COL13A1: variants seen among roughly 807,000 people sequenced by gnomAD.
COL13A1 encodes the protein collagen type XIII alpha 1 chain, also known as collagen alpha-1(XIII) chain.
COL13A1 carries 89 observed loss-of-function variants against 130.9 expected under a neutral mutation model. The observed-to-expected ratio is 0.68, with a 90% CI of 0.57 to 0.81. COL13A1 has a LOEUF of 0.81. Ranked by LOEUF, COL13A1 falls within the 30% of genes least tolerant of loss-of-function variation. COL13A1 has a pLI of 0.00. For synonymous variants in COL13A1, 402 were observed against 341.6 expected, an observed-to-expected ratio of 1.18 and a Z score of -1.95; for missense variants, 879 against 934.6, an observed-to-expected ratio of 0.94 and a Z score of 0.78.
In COL13A1 at chr10:69,924,982, G is replaced by T; in HGVS notation, c.1304G>T (p.Gly435Val). ...PGDKGERGAA[G>V]EQGPDGPKGS... ...CAACAGGGGGAGCGTGGAGCAGCTG[G>T]AGAACAGGGACCAGATGGCCCCAAG... The change falls in exon 25 of 41, where the codon GGA becomes GTA. Residue 435 changes from glycine (G) to valine (V), a missense_variant. Transcript: ENST00000645393. 1 of 1,594,306 alleles carries T rather than the reference G, an allele frequency of 6.3e-7. No individual in the cohort carries two copies.
At chr10:69,805,743 G>T (rs1841396252) in intron 1 of COL13A1, among the ~76,000 whole-genome samples, 1 of 152,186 alleles carries the variant, frequency 6.6e-6, no homozygotes, top group South Asian at 2.1e-4. Flanking sequence ...TCCCTGTGTA[G>T]GTGTGTTCTC....
chr10:69,887,855 C>T (rs929342678), intron 8 of COL13A1, among the ~76,000 whole-genome samples: 2 of 152,112 alleles, frequency 1.3e-5, no homozygotes, highest in African/African-American at 2.4e-5. Context: ...GGAGATCCAG[C>T]GAGGGGGAGG....
intron 33 of COL13A1, among the ~76,000 whole-genome samples, chr10:69,937,254 C>A (rs866347163): frequency 6.6e-6 from 1 of 152,180 alleles, no homozygotes; most frequent in Non-Finnish European, 1.5e-5. Flanking sequence ...CAAGAGACTT[C>A]GGGGCAGTTT....
chr10:69,842,979 G>C (rs1001318942), intron 2 of COL13A1, among the ~76,000 whole-genome samples: 1 of 152,214 alleles, frequency 6.6e-6, no homozygotes, highest in African/African-American at 2.4e-5. Context: ...CCTCCAGGTT[G>C]CCTGGGCTGC....
chr10:69,944,046 A>T, intron 35 of COL13A1, 79 bp from the exon 36 acceptor site: 8 of 1,214,646 alleles, frequency 6.6e-6, no homozygotes, highest in Non-Finnish European at 9.7e-6. Context: ...GACCTTGCTC[A>T]TCTCTAGGCA....
At chr10:69,900,702 C>T (rs1272459951) in intron 14 of COL13A1, among the ~76,000 whole-genome samples, 1 of 152,210 alleles carries the variant, frequency 6.6e-6, no homozygotes, top group Admixed American at 6.5e-5. Context: ...ATGTGCTTAG[C>T]AGATGGTGTT....
intron 1 of COL13A1, among the ~76,000 whole-genome samples, chr10:69,810,376 G>GAGACACAGAGAC (rs1554863535): frequency 5.2e-5 from 7 of 133,928 alleles, no homozygotes; most frequent in South Asian, 2.3e-4. Context: ...GAGAGAGAGA[G>GAGACACAGAGAC]AGAGACAGAG....
At chr10:69,835,074 G>T (rs1849689876) in intron 2 of COL13A1, among the ~76,000 whole-genome samples, 1 of 152,144 alleles carries the variant, frequency 6.6e-6, no homozygotes, top group Non-Finnish European at 1.5e-5. Flanking sequence ...AGAGCCCAGG[G>T]CCCTGTGCCC....
rs561190416 is a variant in COL13A1 at position 69,842,935 on chromosome 10, G to A, written c.364+20497G>A. Among the ~76,000 whole-genome samples the A allele has an allele frequency of 9.8e-5, 15 of 152,372 alleles. 1 individual carries two copies. Among genetic ancestry groups the A allele is most frequent in the Non-Finnish European group, 1.5e-4 (10 of 68,034 alleles). On this transcript the variant is annotated intron_variant, in intron 2 of 40. Coordinates refer to ENST00000645393, the MANE Select transcript of COL13A1 (RefSeq NM_001368882.1). ...CTTTACATGCCTCCGGTCTACACTC[G>A]TGGAAGTTGGTGTCAGGACGCAGTA... is the stretch of plus-strand genomic sequence containing the variant.
At chr10:69,956,510 A>G (rs978311580) in intron 39 of COL13A1, 1 of 160,050 alleles carries the variant, frequency 6.2e-6, no homozygotes, top group Non-Finnish European at 1.4e-5. Context: ...TTAATCATCA[A>G]AGAAGGACTG....
intron 2 of COL13A1, among the ~76,000 whole-genome samples, chr10:69,839,891 G>A (rs1040518641): frequency 6.6e-5 from 10 of 152,200 alleles, no homozygotes; most frequent in Non-Finnish European, 1.5e-4. Context: ...AATGAGCCAG[G>A]AAGCCACAGG....
chr10:69,810,367 AG>A (rs1357161370), intron 1 of COL13A1, among the ~76,000 whole-genome samples: 1 of 146,148 alleles, frequency 6.8e-6, no homozygotes, highest in Non-Finnish European at 1.5e-5. Context: ...AGAGAGAGAG[AG>A]AGAGAGAGAG....
At chr10:69,907,008 C>T (rs1315063327) in intron 17 of COL13A1, among the ~76,000 whole-genome samples, 5 of 152,164 alleles carry the variant, frequency 3.3e-5, no homozygotes, top group Non-Finnish European at 5.9e-5. Flanking sequence ...GGATTACAGG[C>T]GTGAGCCACC....
chr10:69,803,021 G>A (rs1840478767), intron 1 of COL13A1, among the ~76,000 whole-genome samples: 1 of 152,198 alleles, frequency 6.6e-6, no homozygotes, highest in African/African-American at 2.4e-5. Flanking sequence ...GGCTCGCGGA[G>A]GCGGGCAAGC....
At chr10:69,954,093 G>C (rs1321807422) in intron 39 of COL13A1, 1 of 152,710 alleles carries the variant, frequency 6.5e-6, no homozygotes, top group Non-Finnish European at 1.5e-5. Context: ...TTCATACTGG[G>C]TTTCTCCCCA....
Position 69,922,779 on chromosome 10 carries a change from G to T in COL13A1, c.1215G>T (p.Gly405=). The change falls in exon 23 of 41, where the codon GGG becomes GGT. Residue 405 remains glycine, a synonymous_variant. Transcript: ENST00000645393. ...AACCTGGCCCTCCAGGGCTCCCTGG[G>T]CCCCCAGGGCCAAAGGTGAGTGTTC... ...RGEPGPPGLP[G]PPGPKGEAGV... is the part of the protein sequence containing the mutation. The T allele has an allele frequency of 6.3e-7, 1 of 1,590,784 alleles. No homozygotes were observed. Among genetic ancestry groups the T allele is most frequent in the Non-Finnish European group, 8.6e-7 (1 of 1,168,662 alleles).
intron 18 of COL13A1, among the ~76,000 whole-genome samples, chr10:69,917,698 T>G (rs1287751455): frequency 4.2e-5 from 5 of 119,566 alleles, no homozygotes; most frequent in African/African-American, 1.3e-4. Context: ...GAAAACAGGG[T>G]TTTCATATCA....
intron 2 of COL13A1, among the ~76,000 whole-genome samples, chr10:69,840,848 G>A (rs926323462): frequency 2.6e-5 from 4 of 152,064 alleles, no homozygotes; most frequent in African/African-American, 4.8e-5. Context: ...CAACAGAGTC[G>A]GGAACCATCC....
intron 2 of COL13A1, among the ~76,000 whole-genome samples, chr10:69,854,577 G>A (rs1855869557): frequency 6.8e-6 from 1 of 147,076 alleles, no homozygotes; most frequent in Non-Finnish European, 1.5e-5. Context: ...AAAAAAAAGT[G>A]GTTCCTGTCA....
Sources: gnomAD v4.1 joint callset for allele counts (sites outside exome capture counted in the v4.1 genomes callset) on GRCh38, gnomAD v4.1.1 for gene constraint, MANE v1.5 for transcripts, NCBI Gene and HGNC (gene_info 2026-07-23, HGNC 2026-07-21) for gene names.